ARL15: variants seen among roughly 807,000 people sequenced by gnomAD.
ARL15 encodes ARF like GTPase 15.
ARL15 carries 19 observed loss-of-function variants against 25.2 expected under a neutral mutation model. The observed-to-expected ratio is 0.75, with a 90% CI of 0.53 to 1.10. The LOEUF (loss-of-function observed/expected upper bound fraction) is 1.10. Ranked by LOEUF, ARL15 falls within the 50% of genes least tolerant of loss-of-function variation. The probability of loss-of-function intolerance (pLI) is 0.00; values close to 1 mark genes in which losing one functional copy is unlikely to be tolerated. For missense variants in ARL15, 220 were observed against 246.0 expected (o/e 0.89, Z 0.71); for synonymous variants, 94 against 86.8 (o/e 1.08, Z -0.46).
intron 3 of ARL15, among the ~76,000 whole-genome samples, chr5:54,118,150 C>T (rs1462817492): frequency 6.6e-6 from 1 of 152,142 alleles, no homozygotes; most frequent in South Asian, 2.1e-4. Context: ...AGATTCCACA[C>T]TACAACTGAT....
chr5:54,021,741 AT>A (rs1232530051), intron 4 of ARL15, among the ~76,000 whole-genome samples: 2 of 152,184 alleles, frequency 1.3e-5, no homozygotes, highest in Non-Finnish European at 2.9e-5. Flanking sequence ...AATATCCCAA[AT>A]TTGGCAAAAA....
intron 4 of ARL15, among the ~76,000 whole-genome samples, chr5:53,985,795 T>C (rs1748278975): frequency 6.6e-6 from 1 of 152,232 alleles, no homozygotes; most frequent in Admixed American, 6.5e-5. Flanking sequence ...CAGATCATTC[T>C]TTTTTATGGT....
chr5:53,997,277 G>A (rs6898870), intron 4 of ARL15, among the ~76,000 whole-genome samples: 40,412 of 151,894 alleles, frequency 0.27, 5,596 homozygotes, highest in East Asian at 0.46. Context: ...TGGGCTCGTC[G>A]TTCTTCATTT....
chr5:53,939,074 C>G (rs1222135702), intron 4 of ARL15, among the ~76,000 whole-genome samples: 1 of 152,146 alleles, frequency 6.6e-6, no homozygotes, highest in Non-Finnish European at 1.5e-5. Flanking sequence ...TGCATTTCTT[C>G]TAGAACATAC....
chr5:54,077,661 T>C (rs1322971272), intron 4 of ARL15, among the ~76,000 whole-genome samples: 1 of 152,212 alleles, frequency 6.6e-6, no homozygotes, highest in African/African-American at 2.4e-5. Context: ...ACATAAAATC[T>C]GGAGTGTGTA....
intron 4 of ARL15, among the ~76,000 whole-genome samples, chr5:53,977,381 C>T (rs1747972969): frequency 1.3e-5 from 2 of 151,428 alleles, no homozygotes; most frequent in South Asian, 4.2e-4. Flanking sequence ...AAAAAATTCC[C>T]ACTAATAGTG....
intron 4 of ARL15, among the ~76,000 whole-genome samples, chr5:54,081,863 GGGCAGACCA>G (rs1224648987): frequency 1.3e-5 from 2 of 152,064 alleles, no homozygotes; most frequent in East Asian, 3.9e-4. Flanking sequence ...AGGTCAAGGT[GGGCAGACCA>G]CTTGAAATCA....
chr5:53,938,470 T>G (rs1746426463), intron 4 of ARL15, among the ~76,000 whole-genome samples: 2 of 152,226 alleles, frequency 1.3e-5, no homozygotes, highest in African/African-American at 4.8e-5. Flanking sequence ...TTTTCAGTAT[T>G]TTGCATACAT....
intron 1 of ARL15, among the ~76,000 whole-genome samples, chr5:54,211,467 C>T (rs897742425): frequency 1.3e-4 from 15 of 119,614 alleles, no homozygotes; most frequent in African/African-American, 3.8e-4. Flanking sequence ...AAATGAAACA[C>T]TTTTTTTTTT....
intron 1 of ARL15, among the ~76,000 whole-genome samples, chr5:54,223,050 C>T (rs1381929765): frequency 6.8e-6 from 1 of 148,086 alleles, no homozygotes; most frequent in Non-Finnish European, 1.5e-5. Flanking sequence ...TCTAGAACTC[C>T]TGACCTCATG....
intron 4 of ARL15, among the ~76,000 whole-genome samples, chr5:54,112,162 T>C (rs1752760893): frequency 1.3e-5 from 2 of 152,178 alleles, no homozygotes; most frequent in Non-Finnish European, 2.9e-5. Context: ...ATAAAAACTC[T>C]ATTTATATGG....
intron 4 of ARL15, among the ~76,000 whole-genome samples, chr5:53,899,591 G>A (rs552922632): frequency 2.0e-5 from 3 of 151,748 alleles, no homozygotes; most frequent in Non-Finnish European, 4.4e-5. Flanking sequence ...GGCATTTTAA[G>A]AGCATTCTGT....
intron 4 of ARL15, among the ~76,000 whole-genome samples, chr5:54,023,265 T>C (rs960753979): frequency 6.7e-6 from 1 of 149,268 alleles, no homozygotes; most frequent in Admixed American, 6.8e-5. Context: ...TACAGTGTAA[T>C]ACCTAAAACG....
At chr5:54,066,767 A>G (rs1751246817) in intron 4 of ARL15, among the ~76,000 whole-genome samples, 1 of 152,204 alleles carries the variant, frequency 6.6e-6, no homozygotes, top group African/African-American at 2.4e-5. Flanking sequence ...TGGTGTTACA[A>G]ATTTCCTCCT....
At chr5:54,230,551 A>G (rs1756643868) in intron 1 of ARL15, among the ~76,000 whole-genome samples, 1 of 152,076 alleles carries the variant, frequency 6.6e-6, no homozygotes, top group East Asian at 1.9e-4. Flanking sequence ...TATCTTTCCA[A>G]TGAACCAGCT....
chr5:53,927,164 G>A (rs543485048), intron 4 of ARL15, among the ~76,000 whole-genome samples: 61 of 152,222 alleles, frequency 4.0e-4, no homozygotes, highest in African/African-American at 1.4e-3. Context: ...CAGTGAGGGC[G>A]TGAATAGGAA....
At chr5:54,059,330 G>C (rs78909278) in intron 4 of ARL15, among the ~76,000 whole-genome samples, 2,846 of 152,306 alleles carry the variant, frequency 0.019, 87 homozygotes, top group African/African-American at 0.065. Context: ...TCTTCACTGT[G>C]AAGTGAGACG....
At chr5:53,958,725 G>C (rs1459881400) in intron 4 of ARL15, among the ~76,000 whole-genome samples, 4 of 152,046 alleles carry the variant, frequency 2.6e-5, no homozygotes, top group Non-Finnish European at 5.9e-5. Context: ...GATGAAAAAA[G>C]ATATTGTATG....
chr5:53,995,916 G>A (rs1169166743), intron 4 of ARL15, among the ~76,000 whole-genome samples: 1 of 152,166 alleles, frequency 6.6e-6, no homozygotes, highest in African/African-American at 2.4e-5. Context: ...AACAGAATAA[G>A]GGTGAAATGT....
Sources: gnomAD v4.1 joint callset for allele counts (sites outside exome capture counted in the v4.1 genomes callset) on GRCh38, gnomAD v4.1.1 for gene constraint, MANE v1.5 for transcripts, NCBI Gene and HGNC (gene_info 2026-07-23, HGNC 2026-07-21) for gene names.